Variants in SEL1L2 observed in about 807,000 individuals in gnomAD.
The protein encoded by SEL1L2 is SEL1L2 adaptor subunit of SYVN1 ubiquitin ligase.
SEL1L2 carries 89 observed loss-of-function variants against 98.8 expected under a neutral mutation model. That is an observed-to-expected ratio of 0.90 (90% CI 0.76 to 1.07). The LOEUF (loss-of-function observed/expected upper bound fraction) is 1.07, where lower values mean the gene tolerates loss of function less well. Among genes scored for constraint, SEL1L2 ranks in the 50% least tolerant of loss-of-function variants. The probability of loss-of-function intolerance (pLI) is 0.00; values close to 1 mark genes in which losing one functional copy is unlikely to be tolerated. For missense variants in SEL1L2, 788 were observed against 812.0 expected, an observed-to-expected ratio of 0.97 and a Z score of 0.36; for synonymous variants, 262 against 278.5, an observed-to-expected ratio of 0.94 and a Z score of 0.59.
intron 3 of SEL1L2, among the ~76,000 whole-genome samples, chr20:13,920,622 A>G (rs2048624354): frequency 6.6e-6 from 1 of 151,918 alleles, no homozygotes; most frequent in African/African-American, 2.4e-5. Context: ...CTTTTATAAC[A>G]TCACAGTGCC....
intron 2 of SEL1L2, among the ~76,000 whole-genome samples, chr20:13,932,907 A>G (rs2049216602): frequency 6.6e-6 from 1 of 152,106 alleles, no homozygotes; most frequent in African/African-American, 2.4e-5. Flanking sequence ...AAGCCATGTA[A>G]AGGACTTTTT....
At chr20:13,983,039 A>AAAAAAAAAC in intron 1 of SEL1L2, among the ~76,000 whole-genome samples, 1 of 142,470 alleles carries the variant, frequency 7.0e-6, no homozygotes, top group Non-Finnish European at 1.5e-5. Context: ...AAAAAAAAAA[A>AAAAAAAAAC]AAAAAAAAAG....
chr20:13,956,688 T>G (rs1387665461), intron 1 of SEL1L2, among the ~76,000 whole-genome samples: 1 of 152,180 alleles, frequency 6.6e-6, no homozygotes, highest in Non-Finnish European at 1.5e-5. Context: ...TTAATACTTT[T>G]TTTTATAAAG....
At chr20:13,888,117 C>T in intron 6 of SEL1L2, 116 bp from the exon 7 acceptor site, 3 of 834,118 alleles carry the variant, frequency 3.6e-6, no homozygotes, top group Non-Finnish European at 5.7e-6. Context: ...CATTGAGTTA[C>T]TCCAAAATAA....
intron 1 of SEL1L2, among the ~76,000 whole-genome samples, chr20:13,987,696 A>G (rs774162374): frequency 6.6e-6 from 1 of 152,126 alleles, no homozygotes; most frequent in African/African-American, 2.4e-5. Context: ...GTGTGATGTG[A>G]TAACTCATTG....
intron 1 of SEL1L2, among the ~76,000 whole-genome samples, chr20:13,976,453 C>T (rs964829122): frequency 2.6e-4 from 39 of 152,052 alleles, no homozygotes; most frequent in African/African-American, 7.5e-4. Context: ...GTTGACAGAT[C>T]GTCTGAAGAA....
intron 4 of SEL1L2, among the ~76,000 whole-genome samples, chr20:13,917,428 T>C (rs914135987): frequency 1.3e-5 from 2 of 152,202 alleles, no homozygotes; most frequent in African/African-American, 4.8e-5. Context: ...ACTCTCCATT[T>C]CCTTCTTGTA....
At chr20:13,915,339 C>G (rs1346814445) in intron 4 of SEL1L2, 27 of 969,900 alleles carry the variant, frequency 2.8e-5, no homozygotes, top group Non-Finnish European at 3.7e-5. Flanking sequence ...CAGGTCAAAG[C>G]CAGCTGAAAT....
intron 4 of SEL1L2, among the ~76,000 whole-genome samples, chr20:13,915,939 C>T (rs2048382537): frequency 6.6e-6 from 1 of 152,170 alleles, no homozygotes; most frequent in South Asian, 2.1e-4. Context: ...AATGCTTCTG[C>T]AGGGCACATC....
At chr20:13,857,809 C>T (rs1029178645) in intron 18 of SEL1L2, among the ~76,000 whole-genome samples, 3 of 152,194 alleles carry the variant, frequency 2.0e-5, no homozygotes, top group African/African-American at 4.8e-5. Flanking sequence ...ATCTAAATAG[C>T]AGTCATTCTA....
intron 17 of SEL1L2, among the ~76,000 whole-genome samples, chr20:13,863,312 A>G (rs979396157): frequency 6.6e-6 from 1 of 152,210 alleles, no homozygotes. Context: ...TAAGAATGGA[A>G]GGCAGTGAAC....
intron 18 of SEL1L2, among the ~76,000 whole-genome samples, chr20:13,853,538 G>C (rs960433135): frequency 1.3e-5 from 2 of 152,106 alleles, no homozygotes; most frequent in Admixed American, 6.6e-5. Flanking sequence ...TTTAACGGTT[G>C]CAGAGTATAT....
chr20:13,929,518 C>T (rs2049042307), intron 3 of SEL1L2, among the ~76,000 whole-genome samples: 1 of 57,620 alleles, frequency 1.7e-5, no homozygotes, highest in Non-Finnish European at 3.0e-5. Flanking sequence ...TTTTTTGAGA[C>T]GGAGTCTCGC....
intron 2 of SEL1L2, among the ~76,000 whole-genome samples, chr20:13,936,478 A>C (rs1941455756): frequency 6.6e-6 from 1 of 152,198 alleles, no homozygotes; most frequent in Non-Finnish European, 1.5e-5. Context: ...TCACTATTTT[A>C]GAACATAAGA....
At chr20:13,924,905 G>A (rs796910292) in intron 3 of SEL1L2, among the ~76,000 whole-genome samples, 1 of 152,070 alleles carries the variant, frequency 6.6e-6, no homozygotes. Context: ...TTGGGAGGCC[G>A]AGGCGGGCAG....
Position 13,865,173 on chromosome 20 carries a change from T to C in SEL1L2, c.1639A>G (p.Ile547Val). 1 of 1,611,910 alleles carries C rather than the reference T, an allele frequency of 6.2e-7. No homozygotes were observed. Among genetic ancestry groups the C allele is most frequent in the South Asian group, 1.1e-5 (1 of 90,968 alleles). Residue 547 changes from isoleucine (I) to valine (V), a missense_variant, in exon 17 of 20, where the codon ATT becomes GTT. By Grantham distance (29) the Ile-to-Val change is conservative (BLOSUM62 3). Coordinates refer to ENST00000284951, the MANE Select transcript of SEL1L2 (RefSeq NM_025229.2). ...TTTTATCTGGGTTCCATACCTTGAA[T>C]GGCAGCTCGATTCCATAGGAGAAGC... is the stretch of plus-strand genomic sequence containing the variant. The part of the protein sequence containing the change: ...MALLLWNRAA[I>V]QGNAFARVKI...
intron 2 of SEL1L2, among the ~76,000 whole-genome samples, chr20:13,939,047 T>G (rs1361103041): frequency 2.2e-5 from 3 of 135,808 alleles, no homozygotes; most frequent in Non-Finnish European, 3.2e-5. Context: ...TTTGTTTTTT[T>G]TTTTTTTTTT....
Position 13,887,992 on chromosome 20 carries a change from A to G in SEL1L2, c.613T>C (p.Tyr205His). ...CCTCCAGCACTTCCAAAGGTGTAAT[A>G]TATCAGTGCCTAAAGTAAAAACAAA... ...MEYDQAKALI[Y>H]YTFGSAGGNM... Residue 205 changes from tyrosine (Y) to histidine (H), a missense_variant, in exon 7 of 20, where the codon TAT becomes CAT. Transcript: ENST00000284951. 6.2e-7 allele frequency: 1 copy of G among 1,613,536 alleles called. No homozygotes were observed. Among genetic ancestry groups the G allele is most frequent in the Non-Finnish European group, 8.5e-7 (1 of 1,179,806 alleles).
At chr20:13,932,046 G>T (rs1389227291) in intron 2 of SEL1L2, among the ~76,000 whole-genome samples, 1 of 152,090 alleles carries the variant, frequency 6.6e-6, no homozygotes, top group East Asian at 1.9e-4. Flanking sequence ...AATAGTAGGA[G>T]AATTTAACCA....
Sources: allele counts gnomAD v4.1 joint callset (sites outside exome capture counted in the v4.1 genomes callset), GRCh38; gene constraint gnomAD v4.1.1; transcripts MANE v1.5; gene names NCBI Gene and HGNC (gene_info 2026-07-23, HGNC 2026-07-21).